TSC22D2: variants seen among roughly 807,000 people sequenced by gnomAD.
TSC22D2 encodes TSC22 domain family protein 2.
A neutral mutation model predicts 50.1 loss-of-function variants in TSC22D2; 5 were observed. The observed-to-expected ratio is 0.10, with a 90% CI of 0.05 to 0.21. The LOEUF (loss-of-function observed/expected upper bound fraction) is 0.21, where lower values mean the gene tolerates loss of function less well. Ranked by LOEUF, TSC22D2 falls within the 10% of genes least tolerant of loss-of-function variation. The probability of loss-of-function intolerance (pLI) is 1.00; values close to 1 mark genes in which losing one functional copy is unlikely to be tolerated. For missense variants in TSC22D2, 1,003 were observed against 1,015.5 expected (o/e 0.99, Z 0.17); for synonymous variants, 501 against 450.1 (o/e 1.11, Z -1.43).
intron 1 of TSC22D2, among the ~76,000 whole-genome samples, chr3:150,436,626 C>T (rs1720552179): frequency 6.6e-6 from 1 of 151,910 alleles, no homozygotes; most frequent in South Asian, 2.1e-4. Context: ...ATGAAATGAC[C>T]ACAACTTTAA....
At chr3:150,418,561 G>A in intron 1 of TSC22D2, among the ~76,000 whole-genome samples, 1 of 151,864 alleles carries the variant, frequency 6.6e-6, no homozygotes, top group Admixed American at 6.6e-5. Context: ...GCTAACTCTT[G>A]AACTAAATCT....
rs947453972 is a variant in TSC22D2, at chr3:150,462,635, T to C, written c.*3999T>C. 1 of 84,606 alleles carries C rather than the reference T, an allele frequency of 1.2e-5. No individual in the cohort carries two copies. Among genetic ancestry groups the C allele is most frequent in the African/African-American group, 4.9e-5 (1 of 20,312 alleles). The allele number at this position is 84,606 out of a possible 1,614,324, so 5.2% of individuals were successfully genotyped here. On this transcript the variant is annotated 3_prime_UTR_variant, in exon 3 of 3. Transcript: ENST00000688009. The stretch of plus-strand genomic sequence containing the variant: ...CAGGTGCCTATTTTCTTTTTTTCTT[T>C]TTTCTTTTTTTTTTTTTTTGAGACA...
chr3:150,429,052 T>G (rs906258745), intron 1 of TSC22D2, among the ~76,000 whole-genome samples: 3 of 152,164 alleles, frequency 2.0e-5, no homozygotes, highest in Non-Finnish European at 2.9e-5. Context: ...GTTTCGTCAT[T>G]ATTGGCTGTG....
At chr3:150,423,337 T>TA (rs1321849679) in intron 1 of TSC22D2, 17 of 329,498 alleles carry the variant, frequency 5.2e-5, no homozygotes, top group Non-Finnish European at 8.2e-5. Flanking sequence ...ACTTTAAGTA[T>TA]ATCTATATTT....
At chr3:150,445,817 A>G (rs1720868679) in intron 1 of TSC22D2, among the ~76,000 whole-genome samples, 2 of 152,070 alleles carry the variant, frequency 1.3e-5, no homozygotes, top group Non-Finnish European at 1.5e-5. Context: ...TTTGGATTAA[A>G]AGTCAGCTAG....
chr3:150,439,512 A>G (rs1720648772), intron 1 of TSC22D2, among the ~76,000 whole-genome samples: 2 of 152,142 alleles, frequency 1.3e-5, no homozygotes, highest in South Asian at 4.1e-4. Flanking sequence ...TATAATCTAC[A>G]TAACTTTGAT....
At chr3:150,413,461 A>C (rs1719666791) in intron 1 of TSC22D2, among the ~76,000 whole-genome samples, 1 of 152,030 alleles carries the variant, frequency 6.6e-6, no homozygotes, top group South Asian at 2.1e-4. Flanking sequence ...GCTAGTTTCC[A>C]AGATGTAATC....
At chr3:150,423,262 A>G in intron 1 of TSC22D2, 1 of 492,082 alleles carries the variant, frequency 2.0e-6, no homozygotes, top group South Asian at 4.1e-5. Context: ...CAAAGCAGCA[A>G]AATAAACCAA....
intron 1 of TSC22D2, among the ~76,000 whole-genome samples, chr3:150,444,797 G>T (rs1720826571): frequency 6.6e-6 from 1 of 152,098 alleles, no homozygotes; most frequent in Non-Finnish European, 1.5e-5. Context: ...CTTGAGTGCA[G>T]TTTTGCTTGA....
Position 150,411,209 on chromosome 3 carries a change from T to G in TSC22D2, c.1859T>G (p.Val620Gly). The G allele has an allele frequency of 2.5e-6, 4 of 1,614,212 alleles. No individual in the cohort carries two copies. The highest frequency in any genetic ancestry group is 3.4e-6 in the Non-Finnish European group (4 of 1,180,038). ...AENKPVVKPPVADSLANPLQL... is the reference protein window; with the variant it reads ...AENKPVVKPPGADSLANPLQL... ...AATAAGCCTGTTGTGAAGCCGCCTG[T>G]TGCAGATTCCCTGGCAAACCCCCTT... The change falls in exon 1 of 3, where the codon GTT (valine) becomes GGT (glycine). Residue 620 changes from valine to glycine, a missense_variant. Around this residue, in one of 6 missense-constraint regions of TSC22D2, gnomAD observed 696 missense variants for 647.8 expected, o/e 1.07. Transcript: ENST00000688009.
At chr3:150,430,172 T>C (rs1488571424) in intron 1 of TSC22D2, among the ~76,000 whole-genome samples, 1 of 152,122 alleles carries the variant, frequency 6.6e-6, no homozygotes, top group African/African-American at 2.4e-5. Flanking sequence ...GAGGTGGCTT[T>C]TGAGTTGGAA....
At chr3:150,411,419 AC>A in intron 1 of TSC22D2, 111 bp downstream of exon 1, 2 of 1,224,092 alleles carry the variant, frequency 1.6e-6, no homozygotes, top group African/African-American at 3.1e-5. Context: ...ATTTTTAAAT[AC>A]AAAATTTAGT....
At chr3:150,426,852 A>G (rs1025090547) in intron 1 of TSC22D2, among the ~76,000 whole-genome samples, 1 of 152,198 alleles carries the variant, frequency 6.6e-6, no homozygotes, top group African/African-American at 2.4e-5. Flanking sequence ...ATTGTTTTCT[A>G]CAGTGATTAT....
chr3:150,430,661 G>A (rs1356471361), intron 1 of TSC22D2, among the ~76,000 whole-genome samples: 1 of 152,142 alleles, frequency 6.6e-6, no homozygotes, highest in Non-Finnish European at 1.5e-5. Flanking sequence ...CAGACTTGCA[G>A]GTTGGTATAG....
chr3:150,456,376 T>C (rs960245251), intron 1 of TSC22D2, among the ~76,000 whole-genome samples: 1 of 151,762 alleles, frequency 6.6e-6, no homozygotes, highest in Non-Finnish European at 1.5e-5. Flanking sequence ...TTAGTAGAGA[T>C]GGGTTTTCAC....
chr3:150,435,334 T>C (rs1720504509), intron 1 of TSC22D2, among the ~76,000 whole-genome samples: 1 of 152,208 alleles, frequency 6.6e-6, no homozygotes, highest in South Asian at 2.1e-4. Context: ...TTTTATTTTA[T>C]TTAGGTACAT....
At chr3:150,423,064 T>C (rs1232056490) in intron 1 of TSC22D2, 3 of 1,613,200 alleles carry the variant, frequency 1.9e-6, no homozygotes, top group Non-Finnish European at 2.5e-6. Context: ...CTTCAACTGC[T>C]TTCTACCAAG....
At position 150,410,697 on chromosome 3, in the gene TSC22D2, C is replaced by T; in HGVS notation, c.1347C>T (p.Val449=). 1 of 1,569,248 alleles carries T rather than the reference C, an allele frequency of 6.4e-7. No individual in the cohort carries two copies. Among genetic ancestry groups the T allele is most frequent in the Non-Finnish European group, 8.6e-7 (1 of 1,158,856 alleles). Residue 449 remains valine, a synonymous_variant, in exon 1 of 3, where the codon GTC becomes GTT. Transcript: ENST00000688009. The part of the protein sequence containing the change: ...PRTGPAQGGQ[V]APCQPTGVPP... Reference sequence around the variant, plus strand: ...CGGGACCAGCGCAAGGCGGGCAGGTCGCGCCTTGTCAGCCGACTGGAGTGC... The same window carrying T: ...CGGGACCAGCGCAAGGCGGGCAGGTTGCGCCTTGTCAGCCGACTGGAGTGC...
At chr3:150,414,707 T>C (rs1719733749) in intron 1 of TSC22D2, among the ~76,000 whole-genome samples, 2 of 152,110 alleles carry the variant, frequency 1.3e-5, no homozygotes, top group Admixed American at 1.3e-4. Flanking sequence ...CATTTATATA[T>C]ATTTTAAACC....
Sources: gnomAD v4.1 joint callset for allele counts (sites outside exome capture counted in the v4.1 genomes callset) on GRCh38, gnomAD v4.1.1 for gene constraint, gnomAD v4.1.1 regional missense constraint, MANE v1.5 for transcripts, NCBI Gene and HGNC (gene_info 2026-07-23, HGNC 2026-07-21) for gene names.